CDH18: variants seen among roughly 807,000 people sequenced by gnomAD.
CDH18 encodes cadherin 18, also known as cadherin-18.
A neutral mutation model predicts 67.9 loss-of-function variants in CDH18; 31 were observed. That is an observed-to-expected ratio of 0.46 (90% confidence interval 0.34 to 0.62). CDH18 has a LOEUF of 0.62. Among genes scored for constraint, CDH18 ranks in the 20% least tolerant of loss-of-function variants. The probability of loss-of-function intolerance (pLI) is 0.01; values close to 1 mark genes in which losing one functional copy is unlikely to be tolerated. For synonymous variants in CDH18, 362 were observed against 347.2 expected, an observed-to-expected ratio of 1.04 and a Z score of -0.48; for missense variants, 890 against 975.5, an observed-to-expected ratio of 0.91 and a Z score of 1.17.
At chr5:19,998,470 T>C (rs1223074652) in intron 2 of CDH18, among the ~76,000 whole-genome samples, 1 of 152,112 alleles carries the variant, frequency 6.6e-6, no homozygotes, top group Non-Finnish European at 1.5e-5. Context: ...AGATAATAAA[T>C]TGATTTGAGG....
intron 2 of CDH18, among the ~76,000 whole-genome samples, chr5:20,077,270 T>A (rs1744030579): frequency 6.6e-6 from 1 of 152,220 alleles, no homozygotes; most frequent in Admixed American, 6.5e-5. Context: ...TTTACACTTT[T>A]ATAAACCTTG....
intron 2 of CDH18, among the ~76,000 whole-genome samples, chr5:19,870,387 G>T (rs1398084320): frequency 6.6e-6 from 1 of 152,076 alleles, no homozygotes; most frequent in African/African-American, 2.4e-5. Flanking sequence ...GTTTTCTCTA[G>T]ATATTGCAAA....
chr5:20,406,495 G>T (rs1451013997), intron 1 of CDH18, among the ~76,000 whole-genome samples: 3 of 151,864 alleles, frequency 2.0e-5, no homozygotes, highest in African/African-American at 4.8e-5. Context: ...GTTAATGGGT[G>T]CAGCACACCA....
At position 19,987,263 on chromosome 5, in the gene CDH18, C is replaced by T. The variant is rs556713632; in HGVS notation, c.-376+823G>A. Among the ~76,000 whole-genome samples the T allele has an allele frequency of 2.7e-5, 4 of 150,514 alleles. No homozygotes were observed. In the East Asian group the frequency reaches 5.8e-4, roughly 22 times the overall value. ...CACATCTGTACAGACAACACACACA[C>T]ACACACACACACACACACACACACA... On this transcript the variant is annotated intron_variant, in intron 1 of 12. Coordinates refer to ENST00000382275, the MANE Select transcript of CDH18 (RefSeq NM_004934.5).
chr5:20,085,488 C>T lies in CDH18; in HGVS notation c.-517-93474G>A, dbSNP rs186461904. ...TGCCTGTTACCCAGTTGCAAAGTCA[C>T]TTCCACATTTTTGGGTATCTTTTCA... On this transcript the variant is annotated intron_variant, in intron 2 of 14. Coordinates refer to the CDH18 transcript ENST00000507958. Among the ~76,000 whole-genome samples the T allele has an allele frequency of 1.9e-3, 295 of 152,304 alleles. 1 individual carries two copies. Among genetic ancestry groups the T allele is most frequent in the African/African-American group, 6.4e-3 (268 of 41,570 alleles).
intron 2 of CDH18, among the ~76,000 whole-genome samples, chr5:19,948,507 T>C (rs978328316): frequency 6.6e-6 from 1 of 152,144 alleles, no homozygotes; most frequent in Admixed American, 6.6e-5. Flanking sequence ...AGAGATGAAA[T>C]ACATAGGAGC....
intron 5 of CDH18, among the ~76,000 whole-genome samples, chr5:19,639,018 T>C (rs561705875): frequency 6.7e-6 from 1 of 149,764 alleles, no homozygotes; most frequent in South Asian, 2.1e-4. Flanking sequence ...TGTTTTTTCT[T>C]TTTTGAGACA....
At chr5:19,977,459 C>T (rs1366927304) in intron 2 of CDH18, among the ~76,000 whole-genome samples, 6 of 152,148 alleles carry the variant, frequency 3.9e-5, no homozygotes, top group African/African-American at 1.4e-4. Context: ...GTATTTCCAA[C>T]ATCACCAATA....
chr5:20,257,207 G>A (rs1040413544), intron 1 of CDH18, among the ~76,000 whole-genome samples: 2 of 152,024 alleles, frequency 1.3e-5, no homozygotes, highest in African/African-American at 4.8e-5. Context: ...ACAGTGTTCA[G>A]GTGGGCTGTC....
rs980962792 is a variant in CDH18 at position 19,472,859 on chromosome 5, G to T, written c.*367C>A. On this transcript the variant is annotated 3_prime_UTR_variant, in exon 13 of 13. Transcript: ENST00000382275. Reference sequence around the variant, plus strand: ...CCACCCCTATAAGTCATAACCACCAGTGATCTTGAGCCTTTCTGTTTAGTT... The same window carrying T: ...CCACCCCTATAAGTCATAACCACCATTGATCTTGAGCCTTTCTGTTTAGTT... The T allele has an allele frequency of 7.1e-4, 130 of 183,396 alleles. No homozygotes were observed. Among genetic ancestry groups the T allele is most frequent in the African/African-American group, 2.9e-3 (120 of 41,996 alleles). The allele number at this position is 183,396 out of a possible 1,614,324, so 11.4% of individuals were successfully genotyped here.
chr5:20,102,768 A>G (rs1479563637), intron 2 of CDH18, among the ~76,000 whole-genome samples: 3 of 152,178 alleles, frequency 2.0e-5, no homozygotes, highest in African/African-American at 7.2e-5. Context: ...AAGGAGGTGA[A>G]GATGAAAAGG....
At chr5:19,957,826 C>G (rs1796402440) in intron 2 of CDH18, among the ~76,000 whole-genome samples, 1 of 130,918 alleles carries the variant, frequency 7.6e-6, no homozygotes, top group African/African-American at 2.8e-5. Context: ...TTAAAGGATT[C>G]TGCTGAGAAA....
chr5:19,619,899 A>T (rs1020246865), intron 5 of CDH18, among the ~76,000 whole-genome samples: 2 of 152,198 alleles, frequency 1.3e-5, no homozygotes, highest in Non-Finnish European at 2.9e-5. Flanking sequence ...TATATATGAA[A>T]TTATATTAGA....
chr5:20,111,587 G>A (rs554225612), intron 2 of CDH18, among the ~76,000 whole-genome samples: 7 of 120,878 alleles, frequency 5.8e-5, no homozygotes, highest in Admixed American at 1.1e-4. Flanking sequence ...TTGCTCTGTC[G>A]CCAGGCTGGA....
At chr5:20,178,743 T>A (rs1202636982) in intron 2 of CDH18, among the ~76,000 whole-genome samples, 1 of 152,046 alleles carries the variant, frequency 6.6e-6, no homozygotes. Flanking sequence ...TCAAAGCATT[T>A]CCATGTAGAT....
In CDH18 at chr5:19,952,110, G is replaced by A. The variant is rs530854785; in HGVS notation, c.-257+28950C>T. On this transcript the variant is annotated intron_variant, in intron 2 of 12. Coordinates refer to ENST00000382275, the MANE Select transcript of CDH18 (RefSeq NM_004934.5). Reference sequence around the variant, plus strand: ...GTCACCCAGGCTGGAGCGCAGTGGCGCCATTTCAGCTAACTGCAACCTCCT... The same window carrying A: ...GTCACCCAGGCTGGAGCGCAGTGGCACCATTTCAGCTAACTGCAACCTCCT... 4.6e-5 allele frequency among the ~76,000 whole-genome samples: 7 copies of A among 152,052 alleles called. No individual in the cohort carries two copies. The East Asian group carries it at 7.8e-4, about 17-fold the overall frequency.
intron 2 of CDH18, among the ~76,000 whole-genome samples, chr5:20,232,748 C>T (rs113706339): frequency 3.5e-4 from 53 of 152,056 alleles, no homozygotes; most frequent in African/African-American, 1.3e-3. Flanking sequence ...TATTTTGAAA[C>T]CTTTTTTATA....
chr5:20,272,550 G>T (rs1580635788), intron 1 of CDH18, among the ~76,000 whole-genome samples: 2 of 151,572 alleles, frequency 1.3e-5, no homozygotes, highest in African/African-American at 4.8e-5. Flanking sequence ...GCAAGTTCCT[G>T]TTTTTTTTGG....
chr5:20,274,893 G>A (rs1441950557), intron 1 of CDH18, among the ~76,000 whole-genome samples: 1 of 151,984 alleles, frequency 6.6e-6, no homozygotes, highest in Non-Finnish European at 1.5e-5. Flanking sequence ...CATTGTGATG[G>A]CCTGAGAGAA....
Sources: gnomAD v4.1 joint callset for allele counts (sites outside exome capture counted in the v4.1 genomes callset) on GRCh38, gnomAD v4.1.1 for gene constraint, MANE v1.5 for transcripts, NCBI Gene and HGNC (gene_info 2026-07-23, HGNC 2026-07-21) for gene names.